The following TECPR2 variants were observed in gnomAD, a reference collection of about 807,000 sequenced individuals.
The protein encoded by TECPR2 is tectonin beta-propeller repeat-containing protein 2.
A neutral mutation model predicts 138.1 loss-of-function variants in TECPR2; 65 were observed. The observed-to-expected ratio is 0.47, with a 90% CI of 0.39 to 0.58. The LOEUF (loss-of-function observed/expected upper bound fraction) is 0.58, where lower values mean the gene tolerates loss of function less well. Ranked by LOEUF, TECPR2 falls within the 20% of genes least tolerant of loss-of-function variation. The pLI is 0.00. For synonymous variants in TECPR2, 746 were observed against 749.8 expected, an observed-to-expected ratio of 0.99 and a Z score of 0.08; for missense variants, 1,553 against 1,824.5, an observed-to-expected ratio of 0.85 and a Z score of 2.71.
chr14:102,449,351 C>A (rs1255897757), intron 13 of TECPR2, among the ~76,000 whole-genome samples: 1 of 152,234 alleles, frequency 6.6e-6, no homozygotes, highest in Admixed American at 6.5e-5. Flanking sequence ...TGTAACAGAT[C>A]CATGTTGTAT....
Position 102,362,992 on chromosome 14 carries a change from G to C in TECPR2, c.-197G>C. On this transcript the variant is annotated 5_prime_UTR_variant, in exon 1 of 20. Coordinates refer to ENST00000359520, the MANE Select transcript of TECPR2 (RefSeq NM_014844.5). ...CGGCGGAGCCAGCTGCTGCTCTTCG[G>C]TGCTGGCCCCGGTGCCGGCCCCGTT... is the stretch of plus-strand genomic sequence containing the variant. The C allele has an allele frequency of 2.6e-6, 3 of 1,162,562 alleles. No homozygotes were observed. Among genetic ancestry groups the C allele is most frequent in the Non-Finnish European group, 3.7e-6 (3 of 811,556 alleles). The allele number at this position is 1,162,562 out of a possible 1,614,324, so 72.0% of individuals were successfully genotyped here.
At chr14:102,485,983 C>T (rs1340803725) in intron 17 of TECPR2, among the ~76,000 whole-genome samples, 1 of 152,178 alleles carries the variant, frequency 6.6e-6, no homozygotes, top group Non-Finnish European at 1.5e-5. Context: ...GAAGAGTGGC[C>T]AGTTGGCTCC....
rs1198925006 is a variant in TECPR2, at chr14:102,440,502, A to G, written c.2645A>G (p.Lys882Arg). 1 of 1,614,134 alleles carries G rather than the reference A, an allele frequency of 6.2e-7. No individual in the cohort carries two copies. The highest frequency in any genetic ancestry group is 8.5e-7 in the Non-Finnish European group (1 of 1,180,054). ...RAFACGKVTI[K>R]GKRHWYEALP... ...TTTGCTTGTGGGAAAGTCACCATCA[A>G]GGGGAAGCGGCACTGGTACGAAGCC... is the stretch of plus-strand genomic sequence containing the variant. Residue 882 changes from lysine (K) to arginine (R), a missense_variant, in exon 11 of 20, where the codon AAG (lysine) becomes AGG (arginine). Lys to Arg is a conservative substitution (Grantham distance 26). Transcript: ENST00000359520.
rs142846917 is a variant in TECPR2 at position 102,379,043 on chromosome 14, C to A, written c.219+2103C>A. On this transcript the variant is annotated intron_variant, in intron 2 of 19. Transcript: ENST00000359520. The stretch of plus-strand genomic sequence containing the variant: ...CATTTAAAACCATTACGTAATCTTT[C>A]AAACTGTAGTTAGGAGTTTAATAGT... 3.4e-3 allele frequency among the ~76,000 whole-genome samples: 525 copies of A among 152,322 alleles called. 3 individuals are homozygous for A. The highest frequency in any genetic ancestry group is 0.012 in the African/African-American group (505 of 41,566).
chr14:102,484,099 G>A (rs1890966066), intron 17 of TECPR2, among the ~76,000 whole-genome samples: 1 of 152,092 alleles, frequency 6.6e-6, no homozygotes, highest in Admixed American at 6.6e-5. Context: ...GCCCAGCCTG[G>A]AGGCTTCCTT....
chr14:102,419,167 G>A lies in TECPR2; in HGVS notation c.638+4374G>A, dbSNP rs1889107579. On this transcript the variant is annotated intron_variant, in intron 5 of 19. Coordinates refer to ENST00000359520, the MANE Select transcript of TECPR2 (RefSeq NM_014844.5). The surrounding 1 kb of genome is among the most constrained non-coding windows in gnomAD (Gnocchi z 4.8). ...AGAGAACAGGAGTTGGGGGGTCAGA[G>A]GAGTCGGAGGCCATATGGAGGGACA... is the stretch of plus-strand genomic sequence containing the variant. Among the ~76,000 whole-genome samples, 1 of 152,124 alleles carries A rather than the reference G, an allele frequency of 6.6e-6. No homozygotes were observed. Among genetic ancestry groups the A allele is most frequent in the Non-Finnish European group, 1.5e-5 (1 of 68,024 alleles).
rs1567368011 is a variant in TECPR2, at chr14:102,500,068, G to A, written c.*1811G>A. 2 of 152,680 alleles carry A rather than the reference G, an allele frequency of 1.3e-5. No homozygotes were observed. The highest frequency in any genetic ancestry group is 2.9e-5 in the Non-Finnish European group (2 of 68,070). The allele number at this position is 152,680 out of a possible 1,614,324, so 9.5% of individuals were successfully genotyped here. A position where few individuals can be genotyped will look rare whatever the true frequency, so the allele number is the denominator to read the frequency against. On this transcript the variant is annotated 3_prime_UTR_variant, in exon 20 of 20. Coordinates refer to ENST00000359520, the MANE Select transcript of TECPR2 (RefSeq NM_014844.5). ...GGGACTGTAGTGCAATTAAACCCGC[G>A]TCTAGGTGATGCTTTTAAAGTTGTA...
rs1278816441 is a variant in TECPR2, at chr14:102,438,087, G to A, written c.2460G>A (p.Glu820=). 1 of 1,614,168 alleles carries A rather than the reference G, an allele frequency of 6.2e-7. No individual in the cohort carries two copies. The highest frequency in any genetic ancestry group is 1.1e-5 in the South Asian group (1 of 91,084). Residue 820 remains glutamate (E), a synonymous_variant, in exon 10 of 20, where the codon GAG becomes GAA. Coordinates refer to ENST00000359520, the MANE Select transcript of TECPR2 (RefSeq NM_014844.5). ...GYGILSLVVS[E]KYIWCLDYKG... The stretch of plus-strand genomic sequence containing the variant: ...GCATCCTCAGCTTGGTGGTCTCCGA[G>A]AAGTATATCTGGTGCCTGGACTACA...
intron 1 of TECPR2, among the ~76,000 whole-genome samples, chr14:102,374,737 C>T (rs1887598989): frequency 6.6e-6 from 1 of 152,104 alleles, no homozygotes. Flanking sequence ...TGCTATGTTG[C>T]CCAGGCTGGT....
chr14:102,407,217 T>C, intron 2 of TECPR2, 121 bp from the exon 3 acceptor site: 1 of 1,297,436 alleles, frequency 7.7e-7, no homozygotes, highest in Non-Finnish European at 1.0e-6. Context: ...ACCTTTTCAA[T>C]CAAGAATATG....
intron 11 of TECPR2, among the ~76,000 whole-genome samples, chr14:102,441,647 G>A (rs1222204864): frequency 6.6e-6 from 1 of 152,004 alleles, no homozygotes; most frequent in Admixed American, 6.5e-5. Flanking sequence ...CTGAGATCGC[G>A]CCACTGCACT....
In TECPR2 at chr14:102,433,846, G is replaced by A. The variant is rs1889581430; in HGVS notation, c.1418-389G>A. On this transcript the variant is annotated intron_variant, in intron 8 of 19. Transcript: ENST00000359520. ...CAGCCCAGATTTCATTCTTTGTTAT[G>A]GCTGTGTAACACTGAATTTTTCAAA... 2.6e-5 allele frequency among the ~76,000 whole-genome samples: 4 copies of A among 152,064 alleles called. No individual in the cohort carries two copies. In the South Asian group the frequency reaches 8.3e-4, roughly 31 times the overall value.
At chr14:102,447,128 G>C (rs1327362451) in intron 13 of TECPR2, among the ~76,000 whole-genome samples, 1 of 152,192 alleles carries the variant, frequency 6.6e-6, no homozygotes, top group Non-Finnish European at 1.5e-5. Context: ...CCCAGCAAGA[G>C]CGCCTAGAAT....
intron 17 of TECPR2, among the ~76,000 whole-genome samples, chr14:102,480,264 G>C (rs192575709): frequency 0.011 from 1,574 of 149,354 alleles, 30 homozygotes; most frequent in African/African-American, 0.037. Flanking sequence ...TTGCTCTGTC[G>C]CCCAGGCTGG....
intron 5 of TECPR2, among the ~76,000 whole-genome samples, chr14:102,421,060 T>G (rs984732052): frequency 2.0e-5 from 3 of 152,228 alleles, no homozygotes; most frequent in African/African-American, 7.2e-5. Context: ...TCTTACAGAA[T>G]GTAGGAATCA....
chr14:102,473,410 G>A (rs1208241028), intron 17 of TECPR2, among the ~76,000 whole-genome samples: 1 of 152,266 alleles, frequency 6.6e-6, no homozygotes, highest in African/African-American at 2.4e-5. Flanking sequence ...TGGAGAACAA[G>A]CGGGGTTTAT....
chr14:102,454,169 A>G (rs1890220491), intron 16 of TECPR2, among the ~76,000 whole-genome samples: 1 of 151,838 alleles, frequency 6.6e-6, no homozygotes, highest in South Asian at 2.1e-4. Context: ...AAAAAAAAAA[A>G]AAAGAAAGCA....
Position 102,461,801 on chromosome 14 carries a change from G to C in TECPR2, c.3641-3340G>C, listed in dbSNP as rs117767512. ...GTTGCCAGTACTGGTCGTGGGTCCT[G>C]CCTAACTCTAAGGGAATGTGAGGGA... On this transcript the variant is annotated intron_variant, in intron 16 of 19. Coordinates refer to ENST00000359520, the MANE Select transcript of TECPR2 (RefSeq NM_014844.5). Among the ~76,000 whole-genome samples the C allele has an allele frequency of 1.2e-3, 185 of 152,254 alleles. 3 individuals carry two copies. The East Asian group carries it at 0.032, about 26-fold the overall frequency.
chr14:102,498,415 C>T lies in TECPR2; in HGVS notation c.*158C>T. ...TACTTTCATCTATGTTGGTTTCTGT[C>T]TCGTTCCAGAACCCACAGCCTCCAC... On this transcript the variant is annotated 3_prime_UTR_variant, in exon 20 of 20. Coordinates refer to ENST00000359520, the MANE Select transcript of TECPR2 (RefSeq NM_014844.5). 1 of 992,202 alleles carries T rather than the reference C, an allele frequency of 1.0e-6. No homozygotes were observed. The highest frequency in any genetic ancestry group is 1.7e-5 in the South Asian group (1 of 58,552). 61.5% of individuals were successfully genotyped at this position (992,202 alleles called of 1,614,324 possible).
Sources: allele counts gnomAD v4.1 joint callset (sites outside exome capture counted in the v4.1 genomes callset), GRCh38; gene constraint gnomAD v4.1.1; non-coding constraint Gnocchi (gnomAD v3.1); transcripts MANE v1.5; gene names NCBI Gene and HGNC (gene_info 2026-07-23, HGNC 2026-07-21).